TMEM67: variants seen among roughly 807,000 people sequenced by gnomAD.
TMEM67 encodes transmembrane protein 67, also known as meckelin.
A neutral mutation model predicts 136.6 loss-of-function variants in TMEM67; 124 were observed. The observed-to-expected ratio is 0.91, with a 90% CI of 0.78 to 1.05. The LOEUF (loss-of-function observed/expected upper bound fraction) is 1.05, where lower values mean the gene tolerates loss of function less well. Ranked by LOEUF, TMEM67 falls within the 50% of genes least tolerant of loss-of-function variation. TMEM67 has a pLI of 0.00. For missense variants in TMEM67, 1,107 were observed against 1,178.4 expected (o/e 0.94, Z 0.89); for synonymous variants, 364 against 390.5 (o/e 0.93, Z 0.80).
intron 14 of TMEM67, among the ~76,000 whole-genome samples, chr8:93,789,673 T>TTG (rs1814286373): frequency 6.7e-6 from 1 of 149,488 alleles, no homozygotes; most frequent in South Asian, 2.1e-4. Context: ...TATATATATT[T>TTG]TTTTTTTAAT....
chr8:93,794,586 T>C (rs1814524545), intron 16 of TMEM67, among the ~76,000 whole-genome samples: 1 of 152,254 alleles, frequency 6.6e-6, no homozygotes. Context: ...AAAGGTTACA[T>C]GGTAGCTTTA....
Position 93,808,919 on chromosome 8 carries a change from G to C in TMEM67, c.2519G>C (p.Arg840Thr). The change falls in exon 24 of 28, where the codon AGA (arginine) becomes ACA (threonine). Residue 840 changes from arginine (R) to threonine (T), a missense_variant. Arg to Thr is a moderately conservative substitution (Grantham distance 71). Transcript: ENST00000453321. ...TFEIAISNQM[R>T]QHYDRIHETL... ...GAGATTGCAATTTCTAACCAGATGA[G>C]ACAACATTATGACAGAATTCATGAG... 1.2e-6 allele frequency: 2 copies of C among 1,612,116 alleles called. No individual in the cohort carries two copies. The highest frequency in any genetic ancestry group is 4.5e-5 in the East Asian group (2 of 44,774).
chr8:93,783,814 A>T (rs992355512), intron 11 of TMEM67, among the ~76,000 whole-genome samples: 1 of 151,782 alleles, frequency 6.6e-6, no homozygotes, highest in African/African-American at 2.4e-5. Context: ...TCATAAAACC[A>T]TCAATCTCAT....
chr8:93,780,452 G>C, intron 7 of TMEM67, 141 bp from the exon 8 acceptor site: 1 of 860,686 alleles, frequency 1.2e-6, no homozygotes, highest in Non-Finnish European at 1.9e-6. Flanking sequence ...CTTCTGCGTT[G>C]ATTATGCTGG....
At chr8:93,786,133 T>C in intron 12 of TMEM67, 90 bp from the exon 13 acceptor site, 1 of 1,282,736 alleles carries the variant, frequency 7.8e-7, no homozygotes, top group Admixed American at 1.8e-5. Flanking sequence ...GTGTTTCTTA[T>C]ACTAGTAGCT....
At chr8:93,803,042 T>C (rs1420607629) in intron 21 of TMEM67, among the ~76,000 whole-genome samples, 1 of 152,322 alleles carries the variant, frequency 6.6e-6, no homozygotes, top group African/African-American at 2.4e-5. Context: ...TATCTTTTCC[T>C]GAAACATGTC....
In TMEM67 at chr8:93,803,696, C is replaced by A. The variant is rs1410698494; in HGVS notation, c.2322+12C>A. ...GCTCTATGAGTAATGTAAGTACTTT[C>A]TGACTTCATCTTGCAACTGTTACTT... On this transcript the variant is annotated intron_variant, in intron 22 of 27. Coordinates refer to ENST00000453321, the MANE Select transcript of TMEM67 (RefSeq NM_153704.6). 2 of 1,412,298 alleles carry A rather than the reference C, an allele frequency of 1.4e-6. No individual in the cohort carries two copies. Among genetic ancestry groups the A allele is most frequent in the Non-Finnish European group, 2.0e-6 (2 of 997,084 alleles). The allele number at this position is 1,412,298 out of a possible 1,614,324, so 87.5% of individuals were successfully genotyped here. A position where few individuals can be genotyped will look rare whatever the true frequency, so the allele number is the denominator to read the frequency against.
Position 93,780,920 on chromosome 8 carries a change from G to A in TMEM67, c.916G>A (p.Ala306Thr). Residue 306 changes from alanine (A) to threonine (T), a missense_variant, in exon 9 of 28, where the codon GCA becomes ACA. Around this residue, in one of 3 missense-constraint regions of TMEM67, gnomAD observed 925 missense variants for 1,002.4 expected, o/e 0.92. Coordinates refer to ENST00000453321, the MANE Select transcript of TMEM67 (RefSeq NM_153704.6). ...WLFYGDQLGL[A>T]PQVLSSTSLP... is the part of the protein sequence containing the mutation. ...GTTTTATGGAGACCAGTTAGGATTA[G>A]CACCTCAAGTGCTCAGTTCTACCTC... The A allele has an allele frequency of 1.2e-6, 2 of 1,612,500 alleles. No individual in the cohort carries two copies. Among genetic ancestry groups the A allele is most frequent in the Non-Finnish European group, 1.7e-6 (2 of 1,179,882 alleles).
At chr8:93,760,023 G>C (rs759741302) in intron 3 of TMEM67, 1 of 1,425,878 alleles carries the variant, frequency 7.0e-7, no homozygotes, top group African/African-American at 1.5e-5. Context: ...ATGAAGGCAG[G>C]CTTTTAAGTG....
intron 2 of TMEM67, among the ~76,000 whole-genome samples, 190 bp from the exon 3 acceptor site, chr8:93,758,293 A>G (rs1221810981): frequency 6.6e-6 from 1 of 152,222 alleles, no homozygotes; most frequent in African/African-American, 2.4e-5. Context: ...GGACATAGTG[A>G]TAATATAGAG....
rs1334391097 is a variant in TMEM67 at position 93,816,897 on chromosome 8, G to A, written c.*445G>A. The A allele has an allele frequency of 6.6e-6, 1 of 152,426 alleles. No homozygotes were observed. The highest frequency in any genetic ancestry group is 6.5e-5 in the Admixed American group (1 of 15,288). 9.4% of individuals were successfully genotyped at this position (152,426 alleles called of 1,614,324 possible). ...TTTGTGTGCTTATGGTTAAATAAATGTTGAAAGATATTTTCAAGTTTACTT... is the reference window on the plus strand; with the variant it reads ...TTTGTGTGCTTATGGTTAAATAAATATTGAAAGATATTTTCAAGTTTACTT... On this transcript the variant is annotated 3_prime_UTR_variant, in exon 28 of 28. Transcript: ENST00000453321.
downstream of TMEM67, among the ~76,000 whole-genome samples, chr8:93,821,764 G>A (rs1187614834): frequency 2.0e-5 from 3 of 152,146 alleles, no homozygotes; most frequent in Non-Finnish European, 4.4e-5. Context: ...GCCAGGTATG[G>A]TGGCATGTGC....
intron 20 of TMEM67, among the ~76,000 whole-genome samples, chr8:93,798,989 G>T (rs972940404): frequency 2.0e-5 from 3 of 147,326 alleles, no homozygotes; most frequent in Non-Finnish European, 4.5e-5. Flanking sequence ...GTGTGTTTAA[G>T]AGTTTCCTCA....
Position 93,787,461 on chromosome 8 carries a change from T to C in TMEM67, c.1413-383T>C, listed in dbSNP as rs551911942. 4.6e-5 allele frequency among the ~76,000 whole-genome samples: 7 copies of C among 152,334 alleles called. No individual in the cohort carries two copies. In the South Asian group the frequency reaches 1.4e-3, roughly 32 times the overall value. On this transcript the variant is annotated intron_variant, in intron 13 of 27. Transcript: ENST00000453321. ...TCTTTCTCTTTTGAAAATCAAGATC[T>C]TATCTGCCTTTCTTTAGGCTTCATG...
intron 18 of TMEM67, 65 bp from the exon 19 acceptor site, chr8:93,797,069 A>G: frequency 1.1e-6 from 1 of 915,668 alleles, no homozygotes. Flanking sequence ...AAGAGTCAAT[A>G]TTGGTTTTAT....
chr8:93,767,724 G>GT (rs1563682207), intron 6 of TMEM67, among the ~76,000 whole-genome samples: 9 of 100,690 alleles, frequency 8.9e-5, no homozygotes, highest in South Asian at 3.9e-4. Flanking sequence ...GCTTCTGCGT[G>GT]ATTTTTTTTT....
At chr8:93,755,672 C>A in intron 1 of TMEM67, 106 bp from the exon 2 acceptor site, 1 of 770,474 alleles carries the variant, frequency 1.3e-6, no homozygotes, top group Non-Finnish European at 2.1e-6. Context: ...AATCACTATA[C>A]TGCTTCTCAA....
chr8:93,799,770 T>G lies in TMEM67; in HGVS notation c.2241+12T>G. 1 of 1,607,924 alleles carries G rather than the reference T, an allele frequency of 6.2e-7. No homozygotes were observed. The highest frequency in any genetic ancestry group is 8.5e-7 in the Non-Finnish European group (1 of 1,174,692). The stretch of plus-strand genomic sequence containing the variant: ...TTGGAATTATACAGGTAAGGAATTA[T>G]ACAGGTAATATTACTTCTAAGTAAC... On this transcript the variant is annotated intron_variant, in intron 21 of 27. Transcript: ENST00000453321.
In TMEM67 at chr8:93,757,061, G is replaced by A. The variant is rs547217924; in HGVS notation, c.312+1195G>A. Reference sequence around the variant, plus strand: ...TGCACTCCAGCCTGGGTGACAGAGCGAGACTCTGTCTCAAAAAAATAAATA... The same window carrying A: ...TGCACTCCAGCCTGGGTGACAGAGCAAGACTCTGTCTCAAAAAAATAAATA... On this transcript the variant is annotated intron_variant, in intron 2 of 27. Coordinates refer to ENST00000453321, the MANE Select transcript of TMEM67 (RefSeq NM_153704.6). 6.0e-5 allele frequency: 9 copies of A among 150,682 alleles called. No individual in the cohort carries two copies. The South Asian group carries it at 6.3e-4, about 11-fold the overall frequency. The allele number at this position is 150,682 out of a possible 1,614,324, so 9.3% of individuals were successfully genotyped here.
Sources: allele counts gnomAD v4.1 joint callset (sites outside exome capture counted in the v4.1 genomes callset), GRCh38; gene constraint gnomAD v4.1.1; regional missense constraint gnomAD v4.1.1; transcripts MANE v1.5; gene names NCBI Gene and HGNC (gene_info 2026-07-23, HGNC 2026-07-21).